The following RB1 variants were observed in gnomAD, a reference collection of about 807,000 sequenced individuals.
RB1 encodes the protein RB transcriptional corepressor 1, also known as retinoblastoma-associated protein.
Under a neutral mutation model 135.4 loss-of-function variants are expected in RB1, and 18 were observed. The observed-to-expected ratio is 0.13, with a 90% confidence interval of 0.09 to 0.20. The LOEUF (loss-of-function observed/expected upper bound fraction) is 0.20, where lower values mean the gene tolerates loss of function less well. Among genes scored for constraint, RB1 ranks in the 10% least tolerant of loss-of-function variants. The pLI is 1.00. For missense variants in RB1, 868 were observed against 1,110.0 expected (o/e 0.78, Z 3.10); for synonymous variants, 365 against 373.2 (o/e 0.98, Z 0.25).
chr13:48,312,965 C>T (rs1223133828), intron 2 of RB1, among the ~76,000 whole-genome samples: 1 of 152,170 alleles, frequency 6.6e-6, no homozygotes, highest in Non-Finnish European at 1.5e-5. Flanking sequence ...CCCTCCCATG[C>T]TCCCACCACC....
In RB1 at chr13:48,364,844, A is replaced by C. The variant is rs113124079; in HGVS notation, c.862-50A>C. 3.6e-4 allele frequency: 551 copies of C among 1,535,870 alleles called. 1 individual carries two copies. The African/African-American group carries it at 6.3e-3, about 18-fold the overall frequency. Reference sequence around the variant, plus strand: ...TGCATTGTTCAAGAGTCAAGAGATTAGATTTTGTTTTAAATTTTAATGATC... The same window carrying C: ...TGCATTGTTCAAGAGTCAAGAGATTCGATTTTGTTTTAAATTTTAATGATC... On this transcript the variant is annotated intron_variant, in intron 8 of 26. Transcript: ENST00000267163.
intron 17 of RB1, among the ~76,000 whole-genome samples, chr13:48,440,631 A>G (rs950439346): frequency 6.6e-6 from 1 of 152,160 alleles, no homozygotes; most frequent in Non-Finnish European, 1.5e-5. Context: ...CAAGGGCTAG[A>G]GTCAGTATTA....
intron 17 of RB1, among the ~76,000 whole-genome samples, chr13:48,407,322 T>C (rs568988839): frequency 2.6e-5 from 4 of 152,312 alleles, no homozygotes; most frequent in African/African-American, 9.6e-5. Context: ...TTCTACCCTT[T>C]TAAGAGGTTA....
intron 12 of RB1, among the ~76,000 whole-genome samples, chr13:48,374,348 T>C (rs1451352281): frequency 6.6e-6 from 1 of 152,190 alleles, no homozygotes; most frequent in Admixed American, 6.5e-5. Context: ...CCCACTGAAA[T>C]GCTCATCCAC....
intron 23 of RB1, among the ~76,000 whole-genome samples, chr13:48,471,573 T>TAAAAAA (rs1555294964): frequency 0.015 from 1,969 of 133,868 alleles, 72 homozygotes; most frequent in African/African-American, 0.05. Context: ...AAAATATAAA[T>TAAAAAA]AAAAAAAAAA....
chr13:48,336,855 G>A (rs143392052), intron 2 of RB1, among the ~76,000 whole-genome samples: 148 of 152,248 alleles, frequency 9.7e-4, no homozygotes, highest in African/African-American at 3.2e-3. Flanking sequence ...TGCTTTACAT[G>A]TGTCCCAGAG....
intron 17 of RB1, among the ~76,000 whole-genome samples, chr13:48,443,538 TAAATGAGGTAATACATTCAAATAAAAC>T (rs1440559368): frequency 6.6e-6 from 1 of 152,198 alleles, no homozygotes; most frequent in African/African-American, 2.4e-5. Context: ...TTTTGAAGAT[TAAATGAGGTAATACATTCAAATAAAAC>T]CTTTTAAACT....
chr13:48,422,095 T>C (rs1415062812), intron 17 of RB1, among the ~76,000 whole-genome samples: 1 of 152,148 alleles, frequency 6.6e-6, no homozygotes, highest in East Asian at 1.9e-4. Flanking sequence ...GTATTTACAA[T>C]AGCAAAGACT....
In RB1 at chr13:48,440,470, T is replaced by G. The variant is rs572814128; in HGVS notation, c.1696-12523T>G. Among the ~76,000 whole-genome samples, 16 of 152,334 alleles carry G rather than the reference T, an allele frequency of 1.1e-4. No individual in the cohort carries two copies. The East Asian group carries it at 2.1e-3, about 20-fold the overall frequency. ...ATAGCTAATGCATATTTTTTAACTT[T>G]AATGTTTGTTATTTACATGCATAGC... On this transcript the variant is annotated intron_variant, in intron 17 of 26. Transcript: ENST00000267163.
intron 2 of RB1, chr13:48,316,727 AC>A (rs1952187034): frequency 5.0e-4 from 1 of 1,994 alleles, no homozygotes. Context: ...CATCACACAC[AC>A]ACACACACAC....
At chr13:48,458,335 A>C (rs4151590) in intron 19 of RB1, among the ~76,000 whole-genome samples, 9,265 of 152,218 alleles carry the variant, frequency 0.061, 629 homozygotes, top group African/African-American at 0.16. Flanking sequence ...GTGTCTGTGC[A>C]TGCGTATATA....
At chr13:48,462,313 T>C (rs1230834415) in intron 20 of RB1, among the ~76,000 whole-genome samples, 5 of 150,404 alleles carry the variant, frequency 3.3e-5, no homozygotes, top group Admixed American at 6.7e-5. Flanking sequence ...TTTGTACAGA[T>C]AGGGTTTTGC....
chr13:48,320,038 C>T, intron 2 of RB1: 1 of 490,622 alleles, frequency 2.0e-6, no homozygotes, highest in Non-Finnish European at 3.7e-6. Context: ...CCCTGCCAGC[C>T]CCGGGCTGTG....
At position 48,377,027 on chromosome 13, in the gene RB1, G is replaced by C. The variant is rs1370947947; in HGVS notation, c.1325G>C (p.Gly442Ala). The change falls in exon 13 of 27, where the codon GGA becomes GCA. Residue 442 changes from glycine to alanine, a missense_variant. This residue lies in a region of RB1 where 641 missense variants were observed against 791.3 expected (regional missense o/e 0.81). Transcript: ENST00000267163. ...KAVGQGCVEI[G>A]SQRYKLGVRL... ...GTGGGACAGGGTTGTGTCGAAATTG[G>C]ATCACAGGTAACTTGAATTCATTGT... 1.2e-6 allele frequency: 2 copies of C among 1,613,552 alleles called. No homozygotes were observed. Among genetic ancestry groups the C allele is most frequent in the Non-Finnish European group, 1.7e-6 (2 of 1,179,664 alleles).
At chr13:48,463,329 A>G (rs1265575572) in intron 20 of RB1, among the ~76,000 whole-genome samples, 2 of 152,196 alleles carry the variant, frequency 1.3e-5, no homozygotes, top group African/African-American at 2.4e-5. Context: ...CAGTCACCAT[A>G]GCCTCCTTAC....
chr13:48,409,925 G>A (rs1566210101), intron 17 of RB1, among the ~76,000 whole-genome samples: 1 of 152,020 alleles, frequency 6.6e-6, no homozygotes, highest in Non-Finnish European at 1.5e-5. Flanking sequence ...AAAAGTTTTA[G>A]TGTACTTGGT....
chr13:48,317,342 C>A (rs1952193917), intron 2 of RB1: 3 of 386,394 alleles, frequency 7.8e-6, no homozygotes, highest in Non-Finnish European at 1.4e-5. Context: ...CCGCTCCCGA[C>A]GCCCCGCCTC....
At chr13:48,474,628 C>T (rs1350500626) in intron 24 of RB1, among the ~76,000 whole-genome samples, 1 of 152,078 alleles carries the variant, frequency 6.6e-6, no homozygotes, top group Non-Finnish European at 1.5e-5. Context: ...GCACTTTTTG[C>T]TTGTCCTTCC....
rs1447540006 is a variant in RB1 at position 48,426,025 on chromosome 13, A to G, written c.1696-26968A>G. ...ACATGTTTGTATAATGAAAGAATACAACTTAGTGAGTGCATGCATAAAGGA... is the reference window on the plus strand; with the variant it reads ...ACATGTTTGTATAATGAAAGAATACGACTTAGTGAGTGCATGCATAAAGGA... On this transcript the variant is annotated intron_variant, in intron 17 of 26. Coordinates refer to ENST00000267163, the MANE Select transcript of RB1 (RefSeq NM_000321.3). 2.0e-5 allele frequency among the ~76,000 whole-genome samples: 3 copies of G among 152,172 alleles called. No homozygotes were observed. The East Asian group carries it at 5.8e-4, about 29-fold the overall frequency.
Sources: allele counts gnomAD v4.1 joint callset (sites outside exome capture counted in the v4.1 genomes callset), GRCh38; gene constraint gnomAD v4.1.1; regional missense constraint gnomAD v4.1.1; transcripts MANE v1.5; gene names NCBI Gene and HGNC (gene_info 2026-07-23, HGNC 2026-07-21).